Variants in ZNF729 observed in about 807,000 individuals in gnomAD.
ZNF729 encodes the protein zinc finger protein 729.
In ZNF729, 15 loss-of-function variants were observed where a neutral mutation model predicts 12.2. The ratio of observed to expected loss-of-function variants is 1.23; its 90% CI spans 0.82 to 1.89. The LOEUF is 1.89. Ranked by LOEUF, ZNF729 falls within the 40% of genes most tolerant of loss-of-function variation. The pLI is 0.00. For missense variants in ZNF729, 1,540 were observed against 1,456.7 expected (o/e 1.06, Z -0.93); for synonymous variants, 492 against 476.3 (o/e 1.03, Z -0.43).
intron 3 of ZNF729, among the ~76,000 whole-genome samples, chr19:22,309,350 C>G (rs1374273865): frequency 6.6e-6 from 1 of 152,092 alleles, no homozygotes; most frequent in Non-Finnish European, 1.5e-5. Context: ...GAGGCTGAGG[C>G]AGGAGAATTG....
chr19:22,302,922 G>A (rs986684015), intron 1 of ZNF729, among the ~76,000 whole-genome samples: 4 of 152,024 alleles, frequency 2.6e-5, no homozygotes, highest in East Asian at 1.9e-4. Flanking sequence ...CCAGAATAGC[G>A]TGCCACCATG....
intron 1 of ZNF729, among the ~76,000 whole-genome samples, chr19:22,297,644 G>GATAT (rs35325085): frequency 2.0e-5 from 3 of 148,390 alleles, no homozygotes; most frequent in South Asian, 4.3e-4. Flanking sequence ...CTTTGGTGTA[G>GATAT]ATATATATAT....
chr19:22,301,962 T>C (rs1013419255), intron 1 of ZNF729, among the ~76,000 whole-genome samples: 2 of 152,312 alleles, frequency 1.3e-5, no homozygotes, highest in African/African-American at 2.4e-5. Flanking sequence ...TGGCTCATCA[T>C]TGGGTCATTA....
chr19:22,314,094 A>C lies in ZNF729; in HGVS notation c.677A>C (p.His226Pro), dbSNP rs745320904. 1 of 1,547,042 alleles carries C rather than the reference A, an allele frequency of 6.5e-7. No individual in the cohort carries two copies. Among genetic ancestry groups the C allele is most frequent in the Non-Finnish European group, 8.7e-7 (1 of 1,147,274 alleles). Reference protein sequence around the residue: ...AFKSFSTLTKHKIIHTEDKPY... With the variant: ...AFKSFSTLTKPKIIHTEDKPY... ...AAATCGTTCTCAACCCTTACTAAACATAAGATAATTCATACTGAAGACAAA... is the reference window on the plus strand; with the variant it reads ...AAATCGTTCTCAACCCTTACTAAACCTAAGATAATTCATACTGAAGACAAA... Residue 226 changes from histidine (H) to proline (P), a missense_variant, in exon 4 of 4, where the codon CAT becomes CCT. By Grantham distance (77) the His-to-Pro change is moderately conservative (BLOSUM62 -2). Coordinates refer to ENST00000601693, the MANE Select transcript of ZNF729 (RefSeq NM_001242680.2).
intron 1 of ZNF729, among the ~76,000 whole-genome samples, chr19:22,297,012 T>C (rs1161066944): frequency 6.6e-6 from 1 of 152,160 alleles, no homozygotes; most frequent in Non-Finnish European, 1.5e-5. Context: ...GTATAGTCAA[T>C]TTGAGAGTAT....
chr19:22,311,153 T>G (rs1968445696), intron 3 of ZNF729, among the ~76,000 whole-genome samples: 1 of 152,138 alleles, frequency 6.6e-6, no homozygotes, highest in Non-Finnish European at 1.5e-5. Flanking sequence ...TTGTTTCATT[T>G]ATCTTTTGGT....
intron 3 of ZNF729, among the ~76,000 whole-genome samples, chr19:22,310,581 G>A (rs60775492): frequency 0.022 from 3,348 of 152,138 alleles, 109 homozygotes; most frequent in African/African-American, 0.077. Flanking sequence ...TTTTTGATAT[G>A]TTACTGGATT....
chr19:22,296,291 T>C (rs1440375293), intron 1 of ZNF729, among the ~76,000 whole-genome samples: 1 of 152,220 alleles, frequency 6.6e-6, no homozygotes, highest in Non-Finnish European at 1.5e-5. Flanking sequence ...TTATTACTTA[T>C]TCAATTTTGG....
At chr19:22,294,143 GTATAT>G (rs1568571238) in intron 1 of ZNF729, among the ~76,000 whole-genome samples, 5 of 152,110 alleles carry the variant, frequency 3.3e-5, no homozygotes, top group African/African-American at 4.8e-5. Flanking sequence ...GTTGATTTTT[GTATAT>G]GATGTAAGGA....
Position 22,314,473 on chromosome 19 carries a change from A to G in ZNF729, c.1056A>G (p.Glu352=), listed in dbSNP as rs1968495619. The G allele has an allele frequency of 6.2e-7, 1 of 1,608,730 alleles. No individual in the cohort carries two copies. Among genetic ancestry groups the G allele is most frequent in the Admixed American group, 1.7e-5 (1 of 59,508 alleles). ...HTGKKPYKRE[E]CGKAFSQSST... ...GAAAGAAACCCTACAAGCGTGAAGA[A>G]TGTGGCAAAGCTTTTAGCCAGTCCT... is the stretch of plus-strand genomic sequence containing the variant. Residue 352 remains glutamate (E), a synonymous_variant, in exon 4 of 4, where the codon GAA becomes GAG. Coordinates refer to ENST00000601693, the MANE Select transcript of ZNF729 (RefSeq NM_001242680.2).
At position 22,314,602 on chromosome 19, in the gene ZNF729, G is replaced by A. The variant is rs550007383; in HGVS notation, c.1185G>A (p.Lys395=). ...FKWSSKLTVH[K]VVHTGEKPYK... ...GGTCTTCAAAACTTACTGTACATAA[G>A]GTAGTTCATACTGGAGAGAAACCCT... is the stretch of plus-strand genomic sequence containing the variant. Residue 395 remains lysine (K), a synonymous_variant, in exon 4 of 4, where the codon AAG becomes AAA. Coordinates refer to ENST00000601693, the MANE Select transcript of ZNF729 (RefSeq NM_001242680.2). The A allele has an allele frequency of 2.4e-5, 39 of 1,611,778 alleles. No homozygotes were observed. In the African/African-American group the frequency reaches 4.0e-4, roughly 17 times the overall value.
chr19:22,300,547 A>G (rs1241047416), intron 1 of ZNF729, among the ~76,000 whole-genome samples: 2 of 152,210 alleles, frequency 1.3e-5, no homozygotes, highest in African/African-American at 4.8e-5. Flanking sequence ...CTATCAGTCA[A>G]TTCACAATTG....
rs764991976 is a variant in ZNF729, at chr19:22,315,380, C to T, written c.1963C>T (p.Pro655Ser). ...TAAAGCAATTCATACTGGAGAGAAA[C>T]CTTACAAATGTGAAGAATGTGGCAA... ...RHKAIHTGEKPYKCEECGKAF... is the reference protein window; with the variant it reads ...RHKAIHTGEKSYKCEECGKAF... The change falls in exon 4 of 4, where the codon CCT becomes TCT. Residue 655 changes from proline (P) to serine (S), a missense_variant. Pro to Ser is a moderately conservative substitution (Grantham distance 74). Transcript: ENST00000601693. The T allele has an allele frequency of 3.1e-6, 5 of 1,613,236 alleles. No individual in the cohort carries two copies. In the South Asian group the frequency reaches 3.3e-5, roughly 11 times the overall value.
rs181195523 is a variant in ZNF729, at chr19:22,310,765, G to A, written c.254-2906G>A. ...TCTGTCTTGTGGAATAGTGTCAATA[G>A]CATTGCTACCAATTCTTTGAATGTC... On this transcript the variant is annotated intron_variant, in intron 3 of 3. Coordinates refer to ENST00000601693, the MANE Select transcript of ZNF729 (RefSeq NM_001242680.2). Among the ~76,000 whole-genome samples the A allele has an allele frequency of 7.7e-4, 117 of 152,202 alleles. 1 individual carries two copies. Among genetic ancestry groups the A allele is most frequent in the African/African-American group, 2.1e-3 (88 of 41,546 alleles).
At chr19:22,292,691 T>A (rs1172233574) in intron 1 of ZNF729, among the ~76,000 whole-genome samples, 3 of 152,164 alleles carry the variant, frequency 2.0e-5, no homozygotes, top group African/African-American at 7.2e-5. Context: ...TTCACCTGCC[T>A]CGGCCTCCCA....
Position 22,307,466 on chromosome 19 carries a change from G to A in ZNF729, c.253+2683G>A, listed in dbSNP as rs184028947. On this transcript the variant is annotated intron_variant, in intron 3 of 3. Transcript: ENST00000601693. ...GATTAAGAATATTTTTTTTTCAGCC[G>A]GACGCGGTGGCTTATGCCTGTAATC... 3.0e-3 allele frequency among the ~76,000 whole-genome samples: 450 copies of A among 149,716 alleles called. 3 individuals carry two copies. Among genetic ancestry groups the A allele is most frequent in the South Asian group, 0.011 (50 of 4,740 alleles).
intron 1 of ZNF729, among the ~76,000 whole-genome samples, chr19:22,303,532 T>G (rs1452556478): frequency 6.6e-6 from 1 of 151,316 alleles, no homozygotes; most frequent in Admixed American, 6.6e-5. Flanking sequence ...GAAAGGTATC[T>G]TATCTACACT....
At position 22,315,566 on chromosome 19, in the gene ZNF729, T is replaced by C; in HGVS notation, c.2149T>C (p.Cys717Arg). ...AGAGAAACCCTACAAATGTGAAGAA[T>C]GTGGTAAAGCTTTTAAGTGGTCATC... ...TGEKPYKCEE[C>R]GKAFKWSSKL... is the part of the protein sequence containing the mutation. The change falls in exon 4 of 4, where the codon TGT becomes CGT. Residue 717 changes from cysteine to arginine, a missense_variant. Transcript: ENST00000601693. 4 of 1,610,054 alleles carry C rather than the reference T, an allele frequency of 2.5e-6. No homozygotes were observed.
intron 1 of ZNF729, among the ~76,000 whole-genome samples, chr19:22,288,057 GCTGGTCTCGAACTC>G (rs1968104123): frequency 6.6e-6 from 1 of 151,968 alleles, no homozygotes; most frequent in South Asian, 2.1e-4. Flanking sequence ...TGTTGGCCAG[GCTGGTCTCGAACTC>G]CTGACCTTGT....
Sources: gnomAD v4.1 joint callset for allele counts (sites outside exome capture counted in the v4.1 genomes callset) on GRCh38, gnomAD v4.1.1 for gene constraint, MANE v1.5 for transcripts, NCBI Gene and HGNC (gene_info 2026-07-23, HGNC 2026-07-21) for gene names.